The following ANTXRL variants were observed in gnomAD, a reference collection of about 807,000 sequenced individuals.
ANTXRL encodes the protein ANTXR like, also known as anthrax toxin receptor-like.
ANTXRL carries 63 observed loss-of-function variants against 75.4 expected under a neutral mutation model. The observed-to-expected ratio is 0.84, with a 90% CI of 0.68 to 1.03. The LOEUF is 1.03. Among genes scored for constraint, ANTXRL ranks in the 50% least tolerant of loss-of-function variants. ANTXRL has a pLI of 0.00. For synonymous variants in ANTXRL, 335 were observed against 291.3 expected (o/e 1.15, Z -1.53); for missense variants, 797 against 789.4 (o/e 1.01, Z -0.12).
intron 11 of ANTXRL, 50 bp downstream of exon 11, chr10:46,306,922 G>A (rs1448564109): frequency 1.0e-5 from 15 of 1,452,834 alleles, no homozygotes; most frequent in African/African-American, 1.4e-5. Flanking sequence ...GGGAGTCAGG[G>A]TTGGGCACCT....
chr10:46,297,194 T>G, intron 5 of ANTXRL, 58 bp from the exon 6 acceptor site: 1 of 1,423,118 alleles, frequency 7.0e-7, no homozygotes, highest in Non-Finnish European at 9.6e-7. Context: ...GTTCCGGAGC[T>G]TCTGGAGGTC....
At position 46,296,328 on chromosome 10, in the gene ANTXRL, C is replaced by G. The variant is rs1554958683; in HGVS notation, c.508+76C>G. On this transcript the variant is annotated intron_variant, in intron 5 of 16. Transcript: ENST00000620264. ...TGTGAGCCTCAGAGAGCTCTGTGTG[C>G]AGAATCTGCAAGGCCACACCTGCCC... 9 of 1,482,412 alleles carry G rather than the reference C, an allele frequency of 6.1e-6. No individual in the cohort carries two copies. In the Admixed American group the frequency reaches 1.8e-4, roughly 29 times the overall value. 91.8% of individuals were successfully genotyped at this position (1,482,412 alleles called of 1,614,324 possible).
intron 1 of ANTXRL, among the ~76,000 whole-genome samples, chr10:46,287,820 C>T (rs1162997112): frequency 1.3e-5 from 2 of 152,288 alleles, no homozygotes; most frequent in East Asian, 3.9e-4. Flanking sequence ...ATTGCTCGGA[C>T]CTGCCTCTCA....
chr10:46,315,846 A>C (rs1274416605), intron 16 of ANTXRL, among the ~76,000 whole-genome samples: 1 of 152,200 alleles, frequency 6.6e-6, no homozygotes, highest in Non-Finnish European at 1.5e-5. Flanking sequence ...AAACCTCAGC[A>C]TTTTTGTGGC....
intron 12 of ANTXRL, 87 bp downstream of exon 12, chr10:46,307,567 C>T: frequency 8.0e-7 from 1 of 1,250,186 alleles, no homozygotes; most frequent in South Asian, 1.3e-5. Context: ...CAGACCGTTC[C>T]CAGGCAGTCC....
chr10:46,322,059 G>GTT, intron 16 of ANTXRL, among the ~76,000 whole-genome samples: 1 of 152,098 alleles, frequency 6.6e-6, no homozygotes, highest in African/African-American at 2.4e-5. Context: ...CCAGCGAGTC[G>GTT]CCAGAAGGAA....
chr10:46,311,295 C>T (rs1273725085), intron 14 of ANTXRL, among the ~76,000 whole-genome samples: 7 of 152,058 alleles, frequency 4.6e-5, no homozygotes, highest in Non-Finnish European at 1.5e-5. Context: ...AGGGCAGCCA[C>T]GGGAGAACCA....
chr10:46,297,184 G>T (rs1397474841), intron 5 of ANTXRL, 68 bp from the exon 6 acceptor site: 4 of 1,327,544 alleles, frequency 3.0e-6, no homozygotes, highest in Non-Finnish European at 4.2e-6. Flanking sequence ...ATCTGCAGGG[G>T]TTCCGGAGCT....
At chr10:46,308,954 T>C (rs1838261644) in intron 12 of ANTXRL, among the ~76,000 whole-genome samples, 159 bp from the exon 13 acceptor site, 1 of 152,126 alleles carries the variant, frequency 6.6e-6, no homozygotes, top group Admixed American at 6.5e-5. Flanking sequence ...AGAAAGGGTC[T>C]ATAGCTCTCT....
At chr10:46,289,124 G>A (rs1276360698) in intron 1 of ANTXRL, among the ~76,000 whole-genome samples, 1 of 152,136 alleles carries the variant, frequency 6.6e-6, no homozygotes, top group Non-Finnish European at 1.5e-5. Context: ...TCTACTGCCT[G>A]CAGGCAGGCT....
At chr10:46,315,074 C>T (rs1442386534) in intron 16 of ANTXRL, among the ~76,000 whole-genome samples, 2 of 152,204 alleles carry the variant, frequency 1.3e-5, no homozygotes, top group African/African-American at 4.8e-5. Flanking sequence ...TTTAAGCCTT[C>T]GGTGTGCTGG....
chr10:46,307,374 C>G (rs1838156453), intron 11 of ANTXRL, 28 bp from the exon 12 acceptor site: 10 of 1,495,108 alleles, frequency 6.7e-6, no homozygotes, highest in Non-Finnish European at 9.0e-6. Context: ...TGGACTGGCT[C>G]TCACCATCTG....
intron 2 of ANTXRL, 54 bp from the exon 3 acceptor site, chr10:46,293,775 T>C (rs1588792911): frequency 6.8e-7 from 1 of 1,477,824 alleles, no homozygotes; most frequent in East Asian, 2.5e-5. Context: ...CCTCACCACC[T>C]TGGCTTCTGA....
chr10:46,295,945 C>A, intron 3 of ANTXRL, 74 bp from the exon 4 acceptor site: 1 of 1,257,860 alleles, frequency 8.0e-7, no homozygotes, highest in Non-Finnish European at 1.1e-6. Flanking sequence ...AACAGTGGCT[C>A]CCGGAGAGCT....
intron 2 of ANTXRL, 96 bp downstream of exon 2, chr10:46,292,225 G>A (rs4074140): frequency 0.18 from 212,864 of 1,199,656 alleles, 14,411 homozygotes; most frequent in Non-Finnish European, 0.19. Context: ...GGGTGGGCGT[G>A]GGAGTCCTTC....
chr10:46,293,881 T>A lies in ANTXRL; in HGVS notation c.373T>A (p.Leu125Met), dbSNP rs1554957661. Residue 125 changes from leucine (L) to methionine (M), a missense_variant, in exon 3 of 17, where the codon TTG becomes ATG. Leu to Met is a conservative substitution (Grantham distance 15). Around this residue, in one of 3 missense-constraint regions of ANTXRL, gnomAD observed 262 missense variants for 271.9 expected, o/e 0.96. Transcript: ENST00000620264. ...ITYSTDGQTV[L>M]PLTSDKNRIK... ...CTACTCCACAGACGGCCAGACTGTC[T>A]TGCCACTCACCTCAGACAAGTGAGT... 5 of 1,535,694 alleles carry A rather than the reference T, an allele frequency of 3.3e-6. No individual in the cohort carries two copies. Among genetic ancestry groups the A allele is most frequent in the Admixed American group, 2.0e-5 (1 of 50,958 alleles).
At chr10:46,295,608 G>GTT (rs1837327532) in intron 3 of ANTXRL, among the ~76,000 whole-genome samples, 1 of 65,716 alleles carries the variant, frequency 1.5e-5, no homozygotes, top group African/African-American at 4.3e-5. Context: ...TAGAGTTAGA[G>GTT]TTAGAGTTAG....
At chr10:46,297,370 T>G (rs1554959096) in intron 6 of ANTXRL, 36 bp from the exon 7 acceptor site, 2 of 1,536,188 alleles carry the variant, frequency 1.3e-6, no homozygotes, top group South Asian at 2.4e-5. Flanking sequence ...CTCCATGTAT[T>G]TTGATGACCA....
At chr10:46,303,195 G>A (rs1191038264) in intron 10 of ANTXRL, among the ~76,000 whole-genome samples, 2 of 152,172 alleles carry the variant, frequency 1.3e-5, no homozygotes, top group Non-Finnish European at 2.9e-5. Context: ...TGGCAGCCCC[G>A]GAGATCTGAG....
Sources: gnomAD v4.1 joint callset for allele counts (sites outside exome capture counted in the v4.1 genomes callset) on GRCh38, gnomAD v4.1.1 for gene constraint, gnomAD v4.1.1 regional missense constraint, MANE v1.5 for transcripts, NCBI Gene and HGNC (gene_info 2026-07-23, HGNC 2026-07-21) for gene names.